Variants in SREBF2 observed in about 807,000 individuals in gnomAD.
The protein encoded by SREBF2 is sterol regulatory element-binding protein 2.
In SREBF2, 55 loss-of-function variants were observed where a neutral mutation model predicts 113.1. That is an observed-to-expected ratio of 0.49 (90% confidence interval 0.39 to 0.61). SREBF2 has a LOEUF of 0.61. Among genes scored for constraint, SREBF2 ranks in the 20% least tolerant of loss-of-function variants. SREBF2 has a pLI of 0.00. For synonymous variants in SREBF2, 593 were observed against 605.7 expected (o/e 0.98, Z 0.31); for missense variants, 1,349 against 1,487.4 (o/e 0.91, Z 1.53).
intron 7 of SREBF2, among the ~76,000 whole-genome samples, 177 bp from the exon 8 acceptor site, chr22:41,877,052 A>G (rs2077202956): frequency 6.6e-6 from 1 of 152,194 alleles, no homozygotes; most frequent in Non-Finnish European, 1.5e-5. Flanking sequence ...GAATGTGCCA[A>G]TGTTTGAGCA....
chr22:41,844,463 G>A lies in SREBF2; in HGVS notation c.88+11105G>A, dbSNP rs561178381. Among the ~76,000 whole-genome samples the A allele has an allele frequency of 5.3e-5, 8 of 152,238 alleles. No homozygotes were observed. The East Asian group carries it at 1.5e-3, about 29-fold the overall frequency. On this transcript the variant is annotated intron_variant, in intron 1 of 18. Transcript: ENST00000361204. ...TGGTGCAAGTGACCACAAAATTAAG[G>A]GTTAAACTTTGTTGACATGATGGAA...
chr22:41,898,839 TAGC>T, intron 15 of SREBF2, 58 bp downstream of exon 15: 1 of 1,604,470 alleles, frequency 6.2e-7, no homozygotes, highest in Non-Finnish European at 8.5e-7. Context: ...TTGTTTGAGT[TAGC>T]AGGAGCAAAC....
Position 41,897,163 on chromosome 22 carries a change from T to A in SREBF2, c.2605+2T>A. The A allele has an allele frequency of 6.2e-7, 1 of 1,606,992 alleles. No homozygotes were observed. Among genetic ancestry groups the A allele is most frequent in the South Asian group, 1.1e-5 (1 of 90,482 alleles). On this transcript the variant is annotated splice_donor_variant, in intron 14 of 18. Transcript: ENST00000361204. LOFTEE classifies it high-confidence loss of function. ...GCTCCGTGCTCAAGTCCGCCCTGGG[T>A]AAGCACCTGCGGGTGGCCCACAGTC...
chr22:41,863,860 C>CATTT (rs202157873), intron 1 of SREBF2, among the ~76,000 whole-genome samples: 6,784 of 151,944 alleles, frequency 0.045, 475 homozygotes, highest in African/African-American at 0.15. Context: ...TATTTATTTA[C>CATTT]ATTTATTTAT....
In SREBF2 at chr22:41,904,048, C is replaced by T. The variant is rs1009048984; in HGVS notation, c.3094-815C>T. On this transcript the variant is annotated intron_variant, in intron 17 of 18. Coordinates refer to ENST00000361204, the MANE Select transcript of SREBF2 (RefSeq NM_004599.4). ...CTCACAGCATGGCTGGCATCAGTGGCCTTTTTTTCATAATAGATGGGGTCT... is the reference window on the plus strand; with the variant it reads ...CTCACAGCATGGCTGGCATCAGTGGTCTTTTTTTCATAATAGATGGGGTCT... 1.4e-4 allele frequency among the ~76,000 whole-genome samples: 21 copies of T among 152,312 alleles called. 2 individuals are homozygous for T. The highest frequency in any genetic ancestry group is 1.2e-3 in the Admixed American group (18 of 15,294).
At chr22:41,903,310 G>T (rs2077480679) in intron 17 of SREBF2, among the ~76,000 whole-genome samples, 155 bp downstream of exon 17, 1 of 152,256 alleles carries the variant, frequency 6.6e-6, no homozygotes. Flanking sequence ...GCCCAACACT[G>T]GGCTAGGCGC....
intron 11 of SREBF2, among the ~76,000 whole-genome samples, chr22:41,892,578 G>A (rs2077374362): frequency 1.3e-5 from 2 of 148,238 alleles, no homozygotes; most frequent in Admixed American, 6.9e-5. Context: ...AACCCGGGAG[G>A]CAGAGCTTGC....
At chr22:41,878,444 G>C (rs2077217261) in intron 9 of SREBF2, among the ~76,000 whole-genome samples, 1 of 152,110 alleles carries the variant, frequency 6.6e-6, no homozygotes, top group Non-Finnish European at 1.5e-5. Flanking sequence ...ACACATGAAT[G>C]GACAGGCTGT....
chr22:41,837,641 C>T (rs2076790242), intron 1 of SREBF2, among the ~76,000 whole-genome samples: 1 of 151,106 alleles, frequency 6.6e-6, no homozygotes, highest in African/African-American at 2.4e-5. Context: ...GGTGGATCAC[C>T]TGAGGTTGGG....
At chr22:41,899,026 C>T in intron 15 of SREBF2, 1 of 628,572 alleles carries the variant, frequency 1.6e-6, no homozygotes, top group South Asian at 1.8e-5. Flanking sequence ...AGCACTGTGT[C>T]CGGGTCCTCC....
At chr22:41,894,126 C>T (rs1348055575) in intron 12 of SREBF2, among the ~76,000 whole-genome samples, 1 of 152,238 alleles carries the variant, frequency 6.6e-6, no homozygotes, top group Non-Finnish European at 1.5e-5. Context: ...ATGGACTTCT[C>T]AGTGGCTTTG....
chr22:41,904,869 C>T lies in SREBF2; in HGVS notation c.3100C>T (p.Leu1034=). The change falls in exon 18 of 19, where the codon CTG becomes TTG. Residue 1034 remains leucine, a synonymous_variant. Transcript: ENST00000361204. ...SFRPAYRKVF[L]HEATVRLMAG... ...CACCCCGGCACCTCCCCAGGTGTTC[C>T]TGCATGAAGCCACCGTGCGCCTGAT... 2.5e-6 allele frequency: 4 copies of T among 1,594,410 alleles called. No homozygotes were observed. The South Asian group carries it at 3.4e-5, about 14-fold the overall frequency.
chr22:41,837,964 T>C (rs571948773), intron 1 of SREBF2, among the ~76,000 whole-genome samples: 7 of 152,310 alleles, frequency 4.6e-5, no homozygotes, highest in Admixed American at 2.6e-4. Flanking sequence ...TGTGTGCTAG[T>C]TGATCTCTGG....
rs958110867 is a variant in SREBF2, at chr22:41,870,883, A to G, written c.721-6A>G. On this transcript the variant is annotated splice_polypyrimidine_tract_variant and splice_region_variant and intron_variant, in intron 3 of 18. Coordinates refer to ENST00000361204, the MANE Select transcript of SREBF2 (RefSeq NM_004599.4). Reference sequence around the variant, plus strand: ...ATCCTTTTACTTTTCTTCCTTCTTCATCCAGGTCCTGGTCCAGCCTCAGAT... The same window carrying G: ...ATCCTTTTACTTTTCTTCCTTCTTCGTCCAGGTCCTGGTCCAGCCTCAGAT... The G allele has an allele frequency of 6.2e-7, 1 of 1,614,034 alleles. No individual in the cohort carries two copies. Among genetic ancestry groups the G allele is most frequent in the African/African-American group, 1.3e-5 (1 of 74,902 alleles).
intron 4 of SREBF2, among the ~76,000 whole-genome samples, chr22:41,871,623 G>T (rs1018450653): frequency 6.6e-6 from 1 of 152,192 alleles, no homozygotes; most frequent in East Asian, 1.9e-4. Context: ...CAGGCACGGT[G>T]GCTCACGCCT....
chr22:41,872,646 T>C (rs2077156727), intron 4 of SREBF2, among the ~76,000 whole-genome samples: 1 of 152,034 alleles, frequency 6.6e-6, no homozygotes, highest in African/African-American at 2.4e-5. Flanking sequence ...TTCCCAGCAT[T>C]TTGGGAGGCT....
At chr22:41,837,239 C>T (rs545439806) in intron 1 of SREBF2, among the ~76,000 whole-genome samples, 6 of 151,898 alleles carry the variant, frequency 4.0e-5, no homozygotes, top group East Asian at 3.9e-4. Flanking sequence ...CAAGAGATGC[C>T]GAAGTCTGGA....
At chr22:41,903,263 T>C in intron 17 of SREBF2, 108 bp downstream of exon 17, 1 of 1,371,972 alleles carries the variant, frequency 7.3e-7, no homozygotes. Context: ...CCCTCTGAGG[T>C]CAGCCTGGTG....
intron 11 of SREBF2, among the ~76,000 whole-genome samples, chr22:41,890,499 G>T (rs1197654302): frequency 1.3e-5 from 2 of 152,200 alleles, no homozygotes; most frequent in African/African-American, 2.4e-5. Flanking sequence ...ACAACCTGGG[G>T]TTGGGACTGG....
Sources: allele counts gnomAD v4.1 joint callset (sites outside exome capture counted in the v4.1 genomes callset), GRCh38; gene constraint gnomAD v4.1.1; transcripts MANE v1.5; gene names NCBI Gene and HGNC (gene_info 2026-07-23, HGNC 2026-07-21).